The following DHTKD1 variants were observed in gnomAD, a reference collection of about 807,000 sequenced individuals.
DHTKD1 encodes the protein 2-oxoadipate dehydrogenase complex component E1.
Under a neutral mutation model 101.8 loss-of-function variants are expected in DHTKD1, and 78 were observed. The observed-to-expected ratio is 0.77, with a 90% CI of 0.64 to 0.93. DHTKD1 has a LOEUF of 0.93. Ranked by LOEUF, DHTKD1 falls within the 40% of genes least tolerant of loss-of-function variation. The pLI is 0.00. For synonymous variants in DHTKD1, 462 were observed against 450.3 expected, an observed-to-expected ratio of 1.03 and a Z score of -0.33; for missense variants, 1,223 against 1,161.7, an observed-to-expected ratio of 1.05 and a Z score of -0.77.
chr10:12,118,048 C>T (rs1001001602), intron 14 of DHTKD1, among the ~76,000 whole-genome samples: 1 of 151,756 alleles, frequency 6.6e-6, no homozygotes, highest in South Asian at 2.1e-4. Flanking sequence ...CGCCACCACA[C>T]CCTGCTAATT....
Position 12,073,737 on chromosome 10 carries a change from T to C in DHTKD1, c.154+4550T>C, listed in dbSNP as rs141124688. On this transcript the variant is annotated intron_variant, in intron 1 of 16. Transcript: ENST00000263035. ...CCAGCAGCAAGGCAGACTGGAGTAA[T>C]GCGTGCATCCCCACCAGGCCCCACA... Among the ~76,000 whole-genome samples, 765 of 152,258 alleles carry C rather than the reference T, an allele frequency of 5.0e-3. 9 individuals are homozygous for C. The highest frequency in any genetic ancestry group is 0.017 in the African/African-American group (711 of 41,560).
rs1832607909 is a variant in DHTKD1 at position 12,069,054 on chromosome 10, A to G, written c.21A>G (p.Ala7=). The G allele has an allele frequency of 6.2e-7, 1 of 1,613,238 alleles. No individual in the cohort carries two copies. The highest frequency in any genetic ancestry group is 1.3e-5 in the African/African-American group (1 of 74,972). The change falls in exon 1 of 17, where the codon GCA becomes GCG. Residue 7 remains alanine, a synonymous_variant. Coordinates refer to ENST00000263035, the MANE Select transcript of DHTKD1 (RefSeq NM_018706.7). MASATA[A]AARRGLGRAL... ...TGAACATGGCCTCTGCTACTGCGGC[A>G]GCAGCACGACGGGGCCTCGGCCGGG...
chr10:12,120,139 C>A, intron 15 of DHTKD1, 43 bp from the exon 16 acceptor site: 1 of 1,477,362 alleles, frequency 6.8e-7, no homozygotes, highest in Non-Finnish European at 9.5e-7. Context: ...GGACCGTCTG[C>A]ATGTGTCTAC....
intron 1 of DHTKD1, among the ~76,000 whole-genome samples, chr10:12,075,357 T>A (rs117678781): frequency 1.3e-5 from 2 of 151,566 alleles, no homozygotes; most frequent in Non-Finnish European, 2.9e-5. Context: ...TTCTGTGGGG[T>A]TTTTTTTGGT....
chr10:12,074,539 T>C (rs557694540), intron 1 of DHTKD1, among the ~76,000 whole-genome samples: 4 of 151,808 alleles, frequency 2.6e-5, no homozygotes, highest in African/African-American at 9.7e-5. Context: ...GTTTTTTTTT[T>C]AGTAGAGATG....
rs1833091941 is a variant in DHTKD1, at chr10:12,097,676, T to C, written c.1359-8T>C. 6.2e-7 allele frequency: 1 copy of C among 1,600,604 alleles called. No homozygotes were observed. Among genetic ancestry groups the C allele is most frequent in the Admixed American group, 1.7e-5 (1 of 58,444 alleles). Reference sequence around the variant, plus strand: ...GACTGATTTTTGTTTCTTCTCTTTCTTGGGCAGAGCTCGAAAGAGCATTCC... The same window carrying C: ...GACTGATTTTTGTTTCTTCTCTTTCCTGGGCAGAGCTCGAAAGAGCATTCC... On this transcript the variant is annotated splice_region_variant and splice_polypyrimidine_tract_variant and intron_variant, in intron 7 of 16. Coordinates refer to ENST00000263035, the MANE Select transcript of DHTKD1 (RefSeq NM_018706.7).
At chr10:12,100,913 T>C (rs1257791475) in intron 9 of DHTKD1, 129 bp from the exon 10 acceptor site, 2 of 898,296 alleles carry the variant, frequency 2.2e-6, no homozygotes, top group African/African-American at 3.3e-5. Context: ...GGACAGCATA[T>C]ATTAATAACT....
In DHTKD1 at chr10:12,089,260, T is replaced by C. The variant is rs1299150321; in HGVS notation, c.987+5T>C. ...GACAGGGTCATTTGCTTACAGGTACTTGGAGCTTCTGAAATTGAGGCCAGA... is the reference window on the plus strand; with the variant it reads ...GACAGGGTCATTTGCTTACAGGTACCTGGAGCTTCTGAAATTGAGGCCAGA... On this transcript the variant is annotated splice_donor_5th_base_variant and intron_variant, in intron 5 of 16. Transcript: ENST00000263035. 1 of 1,611,252 alleles carries C rather than the reference T, an allele frequency of 6.2e-7. No individual in the cohort carries two copies. Among genetic ancestry groups the C allele is most frequent in the Admixed American group, 1.7e-5 (1 of 59,946 alleles).
intron 4 of DHTKD1, among the ~76,000 whole-genome samples, chr10:12,088,089 G>T (rs1312566491): frequency 6.6e-6 from 1 of 151,764 alleles, no homozygotes; most frequent in African/African-American, 2.4e-5. Context: ...CTCCAGGCTG[G>T]GCAACAAAGC....
chr10:12,088,669 C>T (rs755879860), intron 4 of DHTKD1, among the ~76,000 whole-genome samples: 6 of 151,936 alleles, frequency 3.9e-5, no homozygotes, highest in African/African-American at 9.7e-5. Context: ...CTGCAACCTC[C>T]GCCTCCCAGG....
chr10:12,074,469 C>T (rs1832694859), intron 1 of DHTKD1, among the ~76,000 whole-genome samples: 1 of 152,094 alleles, frequency 6.6e-6, no homozygotes, highest in Admixed American at 6.6e-5. Context: ...CATTCTCCTG[C>T]TTCAGCCTCC....
intron 7 of DHTKD1, among the ~76,000 whole-genome samples, chr10:12,095,799 C>T (rs1833059165): frequency 3.0e-5 from 3 of 100,030 alleles, no homozygotes; most frequent in South Asian, 3.9e-4. Context: ...GGTGGCATAG[C>T]GAGACTCCGT....
Position 12,086,221 on chromosome 10 carries a change from C to CT in DHTKD1, c.523-1310dup, listed in dbSNP as rs1246673651. Among the ~76,000 whole-genome samples, 571 of 78,050 alleles carry CT rather than the reference C, an allele frequency of 7.3e-3. 31 individuals are homozygous for CT. The highest frequency in any genetic ancestry group is 0.019 in the African/African-American group (395 of 20,706). 51.2% of individuals were successfully genotyped at this position (78,050 alleles called of 152,430 possible). On this transcript the variant is annotated intron_variant, in intron 3 of 16. Transcript: ENST00000263035. The stretch of plus-strand genomic sequence containing the variant: ...TTAAAATTTATTTTTCTTTTGTTTT[C>CT]TTTTCTTTTTTTTTTTTTTGAGATG...
At chr10:12,083,213 G>A (rs1209069213) in intron 2 of DHTKD1, among the ~76,000 whole-genome samples, 3 of 151,880 alleles carry the variant, frequency 2.0e-5, no homozygotes, top group Non-Finnish European at 2.9e-5. Flanking sequence ...GCTTCCCTGG[G>A]CCACATTGGA....
chr10:12,069,585 C>T (rs1832621661), intron 1 of DHTKD1, among the ~76,000 whole-genome samples: 1 of 128,088 alleles, frequency 7.8e-6, no homozygotes, highest in African/African-American at 2.9e-5. Context: ...TGCAGTGCTG[C>T]GACCACAGCT....
intron 12 of DHTKD1, among the ~76,000 whole-genome samples, chr10:12,112,499 TGCACACACACAC>T (rs543041973): frequency 0.016 from 349 of 21,866 alleles, 3 homozygotes; most frequent in Admixed American, 0.044. Context: ...AAAGCACGCG[TGCACACACACAC>T]ACACACACAC....
chr10:12,101,182 G>A lies in DHTKD1; in HGVS notation c.1896+1G>A. 3.7e-6 allele frequency: 6 copies of A among 1,611,228 alleles called. No homozygotes were observed. The highest frequency in any genetic ancestry group is 1.3e-5 in the African/African-American group (1 of 74,956). On this transcript the variant is annotated splice_donor_variant, in intron 10 of 16. Transcript: ENST00000263035. LOFTEE classifies it high-confidence loss of function. Reference sequence around the variant, plus strand: ...CCCAAATCAGAAGGGGTTTCTAGAGGTGAGATGTTTCTATAGCTGTTGTAA... The same window carrying A: ...CCCAAATCAGAAGGGGTTTCTAGAGATGAGATGTTTCTATAGCTGTTGTAA...
At chr10:12,104,182 A>G (rs1484313276) in intron 10 of DHTKD1, among the ~76,000 whole-genome samples, 2 of 152,080 alleles carry the variant, frequency 1.3e-5, no homozygotes, top group Admixed American at 6.6e-5. Context: ...GTATCAGTAC[A>G]TCCTTCTTTT....
chr10:12,074,894 A>G (rs985816363), intron 1 of DHTKD1, among the ~76,000 whole-genome samples: 2 of 151,976 alleles, frequency 1.3e-5, no homozygotes, highest in Admixed American at 6.6e-5. Flanking sequence ...TAGAGGCCGA[A>G]GCCAGTGGGT....
Sources: allele counts gnomAD v4.1 joint callset (sites outside exome capture counted in the v4.1 genomes callset), GRCh38; gene constraint gnomAD v4.1.1; transcripts MANE v1.5; gene names NCBI Gene and HGNC (gene_info 2026-07-23, HGNC 2026-07-21).